Variants in SNX24 observed in about 807,000 individuals in gnomAD.
SNX24 encodes sorting nexin 24.
Under a neutral mutation model 28.7 loss-of-function variants are expected in SNX24, and 22 were observed. The ratio of observed to expected loss-of-function variants is 0.77; its 90% CI spans 0.55 to 1.10. The LOEUF is 1.10. Among genes scored for constraint, SNX24 ranks in the 50% least tolerant of loss-of-function variants. SNX24 has a pLI of 0.00. For synonymous variants in SNX24, 69 were observed against 71.5 expected, an observed-to-expected ratio of 0.96 and a Z score of 0.18; for missense variants, 221 against 201.1, an observed-to-expected ratio of 1.10 and a Z score of -0.60.
intron 3 of SNX24, among the ~76,000 whole-genome samples, chr5:122,952,001 C>A (rs1759965013): frequency 6.6e-6 from 1 of 152,202 alleles, no homozygotes; most frequent in African/African-American, 2.4e-5. Context: ...GAGGAAAATT[C>A]TCTACATAAG....
chr5:122,893,197 GTCA>G (rs1378434171), intron 1 of SNX24, among the ~76,000 whole-genome samples: 3 of 148,618 alleles, frequency 2.0e-5, no homozygotes, highest in Non-Finnish European at 4.4e-5. Flanking sequence ...TTCTATTACT[GTCA>G]TCATTCTTTT....
At chr5:122,978,661 A>G (rs1761266447) in intron 3 of SNX24, among the ~76,000 whole-genome samples, 2 of 152,172 alleles carry the variant, frequency 1.3e-5, no homozygotes, top group African/African-American at 4.8e-5. Context: ...TTCTGCTTGA[A>G]TCAATTGTCA....
chr5:122,914,660 C>G (rs1011133339), intron 1 of SNX24, among the ~76,000 whole-genome samples: 9 of 150,734 alleles, frequency 6.0e-5, no homozygotes, highest in Non-Finnish European at 3.0e-5. Context: ...TCCATTTCTT[C>G]TAGATTTTCT....
chr5:122,906,443 T>G (rs984865542), intron 1 of SNX24, among the ~76,000 whole-genome samples: 5 of 152,228 alleles, frequency 3.3e-5, no homozygotes, highest in African/African-American at 9.6e-5. Context: ...GTGAAAGTAT[T>G]TTGAACTTGA....
At chr5:122,857,943 C>T (rs10036892) in intron 1 of SNX24, among the ~76,000 whole-genome samples, 40,741 of 151,898 alleles carry the variant, frequency 0.27, 6,220 homozygotes, top group Admixed American at 0.35. Flanking sequence ...CCACGATGCC[C>T]GGCTAATTTT....
intron 3 of SNX24, among the ~76,000 whole-genome samples, chr5:122,964,666 A>C (rs1239875846): frequency 2.0e-5 from 3 of 152,134 alleles, no homozygotes; most frequent in Admixed American, 6.5e-5. Context: ...TCAATATATA[A>C]AAAGTATAAA....
intron 3 of SNX24, among the ~76,000 whole-genome samples, chr5:122,994,856 ATTTT>A (rs891940348): frequency 6.6e-6 from 1 of 151,678 alleles, no homozygotes; most frequent in Non-Finnish European, 1.5e-5. Flanking sequence ...AAGAAAAATA[ATTTT>A]TTTTTGTTTT....
At chr5:122,885,004 G>A (rs1402415347) in intron 1 of SNX24, among the ~76,000 whole-genome samples, 1 of 152,212 alleles carries the variant, frequency 6.6e-6, no homozygotes, top group Non-Finnish European at 1.5e-5. Context: ...ACGCTATTAT[G>A]GAAAAGAACA....
intron 1 of SNX24, among the ~76,000 whole-genome samples, chr5:122,897,764 G>A (rs1757266015): frequency 6.6e-6 from 1 of 152,124 alleles, no homozygotes; most frequent in African/African-American, 2.4e-5. Flanking sequence ...TCCTGTAACA[G>A]AAGAAACTGT....
chr5:122,883,460 T>G (rs1432239317), intron 1 of SNX24, among the ~76,000 whole-genome samples: 1 of 152,194 alleles, frequency 6.6e-6, no homozygotes, highest in Non-Finnish European at 1.5e-5. Context: ...CTATTACCAT[T>G]ACATTCTTTT....
Position 123,008,177 on chromosome 5 carries a change from C to T in SNX24, c.*428C>T, listed in dbSNP as rs993940754. On this transcript the variant is annotated 3_prime_UTR_variant, in exon 7 of 7. Transcript: ENST00000261369. ...TCTTATGACACACTACTCTTCTCAC[C>T]GTGAGATTTTCTCAGCCAGTGATAG... 1.1e-5 allele frequency: 11 copies of T among 986,830 alleles called. No homozygotes were observed. Among genetic ancestry groups the T allele is most frequent in the East Asian group, 2.3e-4 (2 of 8,858 alleles). The allele number at this position is 986,830 out of a possible 1,614,324, so 61.1% of individuals were successfully genotyped here.
chr5:122,980,340 A>T (rs950022523), intron 3 of SNX24, among the ~76,000 whole-genome samples: 1 of 152,070 alleles, frequency 6.6e-6, no homozygotes, highest in Non-Finnish European at 1.5e-5. Context: ...CATTTCAGTA[A>T]CTGTTATTCC....
intron 1 of SNX24, among the ~76,000 whole-genome samples, chr5:122,923,801 A>G (rs1758552199): frequency 6.6e-6 from 1 of 152,128 alleles, no homozygotes; most frequent in Non-Finnish European, 1.5e-5. Flanking sequence ...TTAGGAATGA[A>G]ACAAGAAAAT....
chr5:122,856,752 G>C (rs1047993045), intron 1 of SNX24, among the ~76,000 whole-genome samples: 1 of 152,044 alleles, frequency 6.6e-6, no homozygotes, highest in Non-Finnish European at 1.5e-5. Context: ...CTGACCTCAA[G>C]TGATCTGCCC....
chr5:122,990,438 C>G (rs945108211), intron 3 of SNX24, among the ~76,000 whole-genome samples: 6 of 152,164 alleles, frequency 3.9e-5, no homozygotes, highest in African/African-American at 1.4e-4. Flanking sequence ...CCTCATCTAT[C>G]TAGACTATAC....
intron 1 of SNX24, among the ~76,000 whole-genome samples, chr5:122,854,527 AC>A (rs549658263): frequency 0.033 from 4,197 of 127,810 alleles, 70 homozygotes; most frequent in Middle Eastern, 0.053. Context: ...AAAAAAAAAA[AC>A]AAAAAAAAAA....
At chr5:122,895,199 T>C (rs1436378694) in intron 1 of SNX24, among the ~76,000 whole-genome samples, 2 of 151,802 alleles carry the variant, frequency 1.3e-5, no homozygotes, top group East Asian at 3.9e-4. Flanking sequence ...TTAATATATA[T>C]TTGTATTAAT....
intron 3 of SNX24, among the ~76,000 whole-genome samples, chr5:122,961,485 T>C (rs1229916397): frequency 6.6e-6 from 1 of 152,214 alleles, no homozygotes; most frequent in Non-Finnish European, 1.5e-5. Flanking sequence ...TTTGTTCTTG[T>C]TAAAGATTGT....
At chr5:122,969,634 C>T (rs973719578) in intron 3 of SNX24, among the ~76,000 whole-genome samples, 4 of 152,058 alleles carry the variant, frequency 2.6e-5, no homozygotes, top group African/African-American at 7.3e-5. Flanking sequence ...CTCTCATACA[C>T]CTGGAATATC....
Sources: allele counts gnomAD v4.1 joint callset (sites outside exome capture counted in the v4.1 genomes callset), GRCh38; gene constraint gnomAD v4.1.1; transcripts MANE v1.5; gene names NCBI Gene and HGNC (gene_info 2026-07-23, HGNC 2026-07-21).